Variants in LTV1 observed in about 807,000 individuals in gnomAD.
LTV1 encodes the protein LTV1 ribosome biogenesis factor, also known as protein LTV1 homolog.
Under a neutral mutation model 59.9 loss-of-function variants are expected in LTV1, and 39 were observed. That is an observed-to-expected ratio of 0.65 (90% CI 0.50 to 0.85). The LOEUF is 0.85. LTV1 is among the 40% of genes least tolerant of loss of function. LTV1 has a pLI of 0.00. For synonymous variants in LTV1, 171 were observed against 189.5 expected (o/e 0.90, Z 0.80); for missense variants, 493 against 549.1 (o/e 0.90, Z 1.02).
At chr6:143,853,443 A>G (rs564980952) in intron 4 of LTV1, among the ~76,000 whole-genome samples, 23 of 152,256 alleles carry the variant, frequency 1.5e-4, no homozygotes, top group African/African-American at 4.6e-4. Context: ...CTCTCTTCCT[A>G]TTGGAATACG....
intron 4 of LTV1, among the ~76,000 whole-genome samples, chr6:143,856,337 AC>A (rs1410079396): frequency 1.3e-5 from 2 of 151,988 alleles, no homozygotes; most frequent in African/African-American, 4.8e-5. Context: ...AATTCCTCTA[AC>A]CTTTTTTCAA....
chr6:143,855,463 A>G lies in LTV1; in HGVS notation c.398-1840A>G, dbSNP rs1777059908. ...ATTTACATTTAAGGTTAATATTGTAATGTGTTATTTGATTCTGTCATTATG... is the reference window on the plus strand; with the variant it reads ...ATTTACATTTAAGGTTAATATTGTAGTGTGTTATTTGATTCTGTCATTATG... On this transcript the variant is annotated intron_variant, in intron 4 of 10. Transcript: ENST00000367576. The surrounding 1 kb of genome is among the most constrained non-coding windows in gnomAD (Gnocchi z 4.6). Among the ~76,000 whole-genome samples, 1 of 152,070 alleles carries G rather than the reference A, an allele frequency of 6.6e-6. No individual in the cohort carries two copies. Among genetic ancestry groups the G allele is most frequent in the Admixed American group, 6.6e-5 (1 of 15,264 alleles).
Position 143,857,520 on chromosome 6 carries a change from T to A in LTV1, c.539+76T>A, listed in dbSNP as rs150556359. On this transcript the variant is annotated intron_variant, in intron 5 of 10. Transcript: ENST00000367576. The surrounding 1 kb of genome is among the most constrained non-coding windows in gnomAD (Gnocchi z 5.2). Reference sequence around the variant, plus strand: ...TCAGTGGGATGGTAACCATAGAACGTTACAGTTGGAAGAGACCTTCAAGAG... The same window carrying A: ...TCAGTGGGATGGTAACCATAGAACGATACAGTTGGAAGAGACCTTCAAGAG... The A allele has an allele frequency of 4.1e-4, 562 of 1,362,918 alleles. 6 individuals are homozygous for A. The African/African-American group carries it at 7.6e-3, about 18-fold the overall frequency. 84.4% of individuals were successfully genotyped at this position (1,362,918 alleles called of 1,614,324 possible).
Position 143,863,068 on chromosome 6 carries a change from A to AT in LTV1, c.1117-14dup, listed in dbSNP as rs771460340. 6.2e-7 allele frequency: 1 copy of AT among 1,601,348 alleles called. No homozygotes were observed. The highest frequency in any genetic ancestry group is 1.7e-5 in the Admixed American group (1 of 59,920). ...AGGAATGAGAAGTAACTCTAGTACC[A>AT]TTTTATCTGTATTTCAGCCCAAACA... On this transcript the variant is annotated splice_polypyrimidine_tract_variant and intron_variant, in intron 9 of 10. Transcript: ENST00000367576. The surrounding 1 kb of genome is among the most constrained non-coding windows in gnomAD (Gnocchi z 4.5).
At chr6:143,858,052 A>C in intron 6 of LTV1, 45 bp downstream of exon 6, 38 of 1,582,296 alleles carry the variant, frequency 2.4e-5, no homozygotes, top group Non-Finnish European at 3.2e-5. Context: ...TCTTATGTTA[A>C]ATTTTTTTTT....
chr6:143,854,506 CTTGT>C (rs1777042075), intron 4 of LTV1, among the ~76,000 whole-genome samples: 1 of 152,026 alleles, frequency 6.6e-6, no homozygotes, highest in Non-Finnish European at 1.5e-5. Context: ...TTTGTTTGCT[CTTGT>C]TTCTCTACTT....
chr6:143,854,726 G>A (rs1777044829), intron 4 of LTV1, among the ~76,000 whole-genome samples: 1 of 152,152 alleles, frequency 6.6e-6, no homozygotes. Context: ...TCAGGAGCAG[G>A]TTGTTCAGTT....
Position 143,863,583 on chromosome 6 carries a change from T to C in LTV1, c.*56T>C. The C allele has an allele frequency of 8.5e-7, 1 of 1,174,474 alleles. No homozygotes were observed. Among genetic ancestry groups the C allele is most frequent in the Non-Finnish European group, 1.2e-6 (1 of 827,444 alleles). The allele number at this position is 1,174,474 out of a possible 1,614,324, so 72.8% of individuals were successfully genotyped here. A position where few individuals can be genotyped will look rare whatever the true frequency, so the allele number is the denominator to read the frequency against. On this transcript the variant is annotated 3_prime_UTR_variant, in exon 11 of 11. Coordinates refer to ENST00000367576, the MANE Select transcript of LTV1 (RefSeq NM_032860.5). The surrounding 1 kb of genome is among the most constrained non-coding windows in gnomAD (Gnocchi z 4.5). ...TTAGGGGCTCCTCATCTTTGGTTAT[T>C]GACTAGAAACTTCAGAAAGACAAAA...
At chr6:143,852,070 A>T (rs148669198) in intron 4 of LTV1, among the ~76,000 whole-genome samples, 6 of 152,204 alleles carry the variant, frequency 3.9e-5, no homozygotes, top group Admixed American at 6.5e-5. Flanking sequence ...ATGATTTATT[A>T]TCCTTTGGGT....
intron 4 of LTV1, among the ~76,000 whole-genome samples, chr6:143,852,549 C>T (rs1777000594): frequency 6.6e-6 from 1 of 152,138 alleles, no homozygotes; most frequent in Non-Finnish European, 1.5e-5. Context: ...GTTTCTTTTG[C>T]TCTGCAGAAG....
At position 143,863,308 on chromosome 6, in the gene LTV1, TGAGATTTACAAA is replaced by T; in HGVS notation, c.1317+26_1317+37del. On this transcript the variant is annotated intron_variant, in intron 10 of 10. Transcript: ENST00000367576. This position sits in a 1 kb window ranked among gnomAD's most constrained non-coding sequence, Gnocchi z 4.5. Reference sequence around the variant, plus strand: ...CAAGGTAAAATATATTTTTCAAATGTGAGATTTACAAAGAGCTGGTGGAGGGGAAATTAGGGG... The same window carrying T: ...CAAGGTAAAATATATTTTTCAAATGTGAGCTGGTGGAGGGGAAATTAGGGG... The T allele has an allele frequency of 2.5e-6, 4 of 1,610,226 alleles. No homozygotes were observed. Among genetic ancestry groups the T allele is most frequent in the Non-Finnish European group, 3.4e-6 (4 of 1,177,964 alleles).
At chr6:143,850,664 C>A (rs999517569) in intron 4 of LTV1, among the ~76,000 whole-genome samples, 1 of 152,192 alleles carries the variant, frequency 6.6e-6, no homozygotes, top group Non-Finnish European at 1.5e-5. Flanking sequence ...AGTACCAACA[C>A]TGTATTTCAG....
At chr6:143,848,890 T>C (rs977842922) in intron 3 of LTV1, among the ~76,000 whole-genome samples, 10 of 152,146 alleles carry the variant, frequency 6.6e-5, no homozygotes, top group African/African-American at 2.4e-4. Flanking sequence ...TGTGGTTCCG[T>C]GTCAGGCACA....
chr6:143,850,359 AG>A, intron 4 of LTV1, 141 bp downstream of exon 4: 1 of 620,958 alleles, frequency 1.6e-6, no homozygotes, highest in Non-Finnish European at 2.8e-6. Flanking sequence ...ATTATTAGGA[AG>A]GGATGAATGT....
Position 143,863,527 on chromosome 6 carries a change from G to A in LTV1, c.1428G>A (p.Ter476=). Residue 476 remains the stop codon, a stop_retained_variant, in exon 11 of 11, where the codon TAG becomes TAA. Coordinates refer to ENST00000367576, the MANE Select transcript of LTV1 (RefSeq NM_032860.5). The surrounding 1 kb of genome is among the most constrained non-coding windows in gnomAD (Gnocchi z 4.5). ...AGAATGTTGAGGGTCTAAAGCTATA[G>A]ACAGTGGAGCATACAGGGCAAGGCA... The part of the protein sequence containing the change: ...LKKNVEGLKL[*] 6.2e-7 allele frequency: 1 copy of A among 1,608,560 alleles called. No homozygotes were observed. The highest frequency in any genetic ancestry group is 1.1e-5 in the South Asian group (1 of 90,910).
In LTV1 at chr6:143,857,951, TC is replaced by T; in HGVS notation, c.741del (p.Ser248GlnfsTer3). The T allele has an allele frequency of 6.2e-7, 1 of 1,614,078 alleles. No homozygotes were observed. The highest frequency in any genetic ancestry group is 8.5e-7 in the Non-Finnish European group (1 of 1,179,966). ...KSRFTEYSMT[S>X]SVMRRNEQLT... ...TCGCTTCACGGAGTATTCGATGACTTCCTCAGTCATGAGGAGAAATGAACAG... is the reference window on the plus strand; with the variant it reads ...TCGCTTCACGGAGTATTCGATGACTTCTCAGTCATGAGGAGAAATGAACAG... On this transcript the variant is annotated frameshift_variant, in exon 6 of 11. Transcript: ENST00000367576. LOFTEE classifies it high-confidence loss of function. The surrounding 1 kb of genome is among the most constrained non-coding windows in gnomAD (Gnocchi z 5.2).
At chr6:143,844,068 C>T (rs1355492238) in intron 1 of LTV1, among the ~76,000 whole-genome samples, 1 of 152,222 alleles carries the variant, frequency 6.6e-6, no homozygotes, top group Non-Finnish European at 1.5e-5. Context: ...GAGCTGTCTA[C>T]TCCAGATTAT....
At chr6:143,844,435 C>T (rs767905747) in intron 1 of LTV1, 51 bp from the exon 2 acceptor site, 3 of 1,594,912 alleles carry the variant, frequency 1.9e-6, no homozygotes, top group South Asian at 1.1e-5. Context: ...GAATTATTCT[C>T]CGTCTTTTTG....
chr6:143,851,085 G>A (rs918218657), intron 4 of LTV1, among the ~76,000 whole-genome samples: 1 of 152,138 alleles, frequency 6.6e-6, no homozygotes, highest in African/African-American at 2.4e-5. Context: ...CCTAAGGCAA[G>A]AGAACGTGAA....
Sources: gnomAD v4.1 joint callset for allele counts (sites outside exome capture counted in the v4.1 genomes callset) on GRCh38, gnomAD v4.1.1 for gene constraint, Gnocchi (gnomAD v3.1) non-coding constraint, MANE v1.5 for transcripts, NCBI Gene and HGNC (gene_info 2026-07-23, HGNC 2026-07-21) for gene names.